Variants in EPHA6 observed in about 807,000 individuals in gnomAD.
The protein encoded by EPHA6 is EPH receptor A6.
Under a neutral mutation model 112.0 loss-of-function variants are expected in EPHA6, and 50 were observed. The ratio of observed to expected loss-of-function variants is 0.45; its 90% CI spans 0.36 to 0.56. EPHA6 has a LOEUF of 0.56. Among genes scored for constraint, EPHA6 ranks in the 20% least tolerant of loss-of-function variants. The pLI is 0.00. For missense variants in EPHA6, 1,280 were observed against 1,417.4 expected, an observed-to-expected ratio of 0.90 and a Z score of 1.56; for synonymous variants, 529 against 490.7, an observed-to-expected ratio of 1.08 and a Z score of -1.03.
intron 5 of EPHA6, among the ~76,000 whole-genome samples, chr3:97,358,443 G>T (rs907881633): frequency 2.6e-5 from 4 of 151,910 alleles, no homozygotes; most frequent in Non-Finnish European, 5.9e-5. Flanking sequence ...AGTGATAATT[G>T]TAATGCATTA....
intron 2 of EPHA6, among the ~76,000 whole-genome samples, chr3:96,880,416 G>A (rs2037243058): frequency 6.6e-6 from 1 of 151,834 alleles, no homozygotes; most frequent in Non-Finnish European, 1.5e-5. Flanking sequence ...GAAATTGAAA[G>A]ATATACCTGT....
At chr3:97,642,870 G>C (rs2094021359) in intron 14 of EPHA6, among the ~76,000 whole-genome samples, 3 of 69,248 alleles carry the variant, frequency 4.3e-5, no homozygotes, top group African/African-American at 1.7e-4. Flanking sequence ...CACTCTGCAG[G>C]ATATTATCCA....
intron 3 of EPHA6, among the ~76,000 whole-genome samples, chr3:96,989,443 T>G (rs2107853412): frequency 6.6e-6 from 1 of 152,326 alleles, no homozygotes; most frequent in South Asian, 2.1e-4. Flanking sequence ...TTATCAAAAT[T>G]TTTATTCACT....
At chr3:97,407,595 C>T (rs1177785114) in intron 6 of EPHA6, among the ~76,000 whole-genome samples, 3 of 151,960 alleles carry the variant, frequency 2.0e-5, no homozygotes, top group African/African-American at 2.4e-5. Flanking sequence ...ATTACATTCC[C>T]TAATTTTTAG....
At chr3:97,528,398 A>G (rs1355443477) in intron 10 of EPHA6, among the ~76,000 whole-genome samples, 1 of 152,150 alleles carries the variant, frequency 6.6e-6, no homozygotes, top group Non-Finnish European at 1.5e-5. Context: ...GTCAAAGCTC[A>G]GCCTTTATCA....
At chr3:97,069,556 A>G (rs1187539616) in intron 3 of EPHA6, among the ~76,000 whole-genome samples, 2 of 152,130 alleles carry the variant, frequency 1.3e-5, no homozygotes, top group Admixed American at 1.3e-4. Flanking sequence ...ACTTCTAGAA[A>G]TTTTACAACC....
At chr3:96,928,043 C>G (rs968302792) in intron 2 of EPHA6, among the ~76,000 whole-genome samples, 1 of 152,206 alleles carries the variant, frequency 6.6e-6, no homozygotes, top group African/African-American at 2.4e-5. Context: ...CCCATGAGAA[C>G]TCAGTCACTG....
intron 3 of EPHA6, among the ~76,000 whole-genome samples, chr3:97,175,052 T>A (rs2076799497): frequency 2.0e-5 from 3 of 151,986 alleles, no homozygotes; most frequent in African/African-American, 7.2e-5. Context: ...AAGTATTTAA[T>A]TTGCTTTGTT....
At chr3:96,917,315 G>A (rs2039531435) in intron 2 of EPHA6, among the ~76,000 whole-genome samples, 1 of 150,966 alleles carries the variant, frequency 6.6e-6, no homozygotes, top group Admixed American at 6.6e-5. Flanking sequence ...CAGCTACTCA[G>A]GAGGCTGGGA....
chr3:96,866,094 G>A (rs1471437788), intron 1 of EPHA6, among the ~76,000 whole-genome samples: 1 of 151,894 alleles, frequency 6.6e-6, no homozygotes, highest in South Asian at 2.1e-4. Flanking sequence ...GTTCAAATTG[G>A]ATCCCGTTTG....
At position 97,152,459 on chromosome 3, in the gene EPHA6, A is replaced by G. The variant is rs2076193050; in HGVS notation, c.1115-73805A>G. Reference sequence around the variant, plus strand: ...TAATATATATTAAATATTTTATATTAGTAATTTTAGATACTTGAAAAGAAA... The same window carrying G: ...TAATATATATTAAATATTTTATATTGGTAATTTTAGATACTTGAAAAGAAA... On this transcript the variant is annotated intron_variant, in intron 3 of 17. Coordinates refer to ENST00000389672, the MANE Select transcript of EPHA6 (RefSeq NM_001080448.3). 2.0e-5 allele frequency among the ~76,000 whole-genome samples: 3 copies of G among 150,070 alleles called. No individual in the cohort carries two copies. The South Asian group carries it at 6.3e-4, about 31-fold the overall frequency.
intron 3 of EPHA6, among the ~76,000 whole-genome samples, chr3:97,210,460 A>G (rs1332675232): frequency 2.0e-5 from 3 of 152,112 alleles, no homozygotes; most frequent in Non-Finnish European, 4.4e-5. Flanking sequence ...CCCTACCTTG[A>G]CACGTGGGGA....
intron 3 of EPHA6, among the ~76,000 whole-genome samples, chr3:97,092,551 C>A (rs2047106242): frequency 6.6e-6 from 1 of 151,958 alleles, no homozygotes; most frequent in Non-Finnish European, 1.5e-5. Flanking sequence ...ATCTATAAAT[C>A]TGGCTGAGTG....
chr3:97,402,098 T>G (rs1201727227), intron 5 of EPHA6, among the ~76,000 whole-genome samples: 1 of 152,084 alleles, frequency 6.6e-6, no homozygotes, highest in Non-Finnish European at 1.5e-5. Flanking sequence ...TGGAGAATGT[T>G]CCATGTGTAT....
At chr3:96,947,604 A>G (rs2041334934) in intron 2 of EPHA6, among the ~76,000 whole-genome samples, 1 of 152,192 alleles carries the variant, frequency 6.6e-6, no homozygotes, top group Non-Finnish European at 1.5e-5. Context: ...TACACCAACA[A>G]GAGACAAACA....
chr3:96,890,625 T>C (rs985321302), intron 2 of EPHA6, among the ~76,000 whole-genome samples: 27 of 152,316 alleles, frequency 1.8e-4, no homozygotes, highest in African/African-American at 6.5e-4. Context: ...TAGAACAGAA[T>C]GAATTTTCAA....
intron 1 of EPHA6, among the ~76,000 whole-genome samples, chr3:96,844,703 T>C (rs972883144): frequency 1.3e-5 from 2 of 151,996 alleles, no homozygotes; most frequent in African/African-American, 4.8e-5. Flanking sequence ...AATGGTTGGG[T>C]ATACATGATG....
chr3:97,687,971 T>A (rs561673547), intron 14 of EPHA6, among the ~76,000 whole-genome samples: 1 of 152,190 alleles, frequency 6.6e-6, no homozygotes, highest in Non-Finnish European at 1.5e-5. Flanking sequence ...AAGTGACACA[T>A]GTTGCTTCCC....
chr3:97,558,918 C>T (rs1027678951), intron 11 of EPHA6, among the ~76,000 whole-genome samples: 1 of 151,842 alleles, frequency 6.6e-6, no homozygotes, highest in African/African-American at 2.4e-5. Context: ...ATTTGTTTTA[C>T]AGAATTAAAA....
Sources: gnomAD v4.1 joint callset for allele counts (sites outside exome capture counted in the v4.1 genomes callset) on GRCh38, gnomAD v4.1.1 for gene constraint, MANE v1.5 for transcripts, NCBI Gene and HGNC (gene_info 2026-07-23, HGNC 2026-07-21) for gene names.